The following PRKG1 variants were observed in gnomAD, a reference collection of about 807,000 sequenced individuals.
The protein encoded by PRKG1 is protein kinase cGMP-dependent 1.
PRKG1 carries 35 observed loss-of-function variants against 88.1 expected under a neutral mutation model. The ratio of observed to expected loss-of-function variants is 0.40; its 90% CI spans 0.30 to 0.53. PRKG1 has a LOEUF of 0.53. Among genes scored for constraint, PRKG1 ranks in the 20% least tolerant of loss-of-function variants. The probability of loss-of-function intolerance (pLI) is 0.59; values close to 1 mark genes in which losing one functional copy is unlikely to be tolerated. For synonymous variants in PRKG1, 303 were observed against 292.5 expected (o/e 1.04, Z -0.37); for missense variants, 540 against 839.8 (o/e 0.64, Z 4.41).
intron 3 of PRKG1, among the ~76,000 whole-genome samples, chr10:51,612,249 T>C (rs1001022420): frequency 6.6e-6 from 1 of 152,080 alleles, no homozygotes; most frequent in Admixed American, 6.6e-5. Context: ...ATTTTAACAA[T>C]ATTCTCCTAC....
At chr10:51,433,046 G>C (rs1014570387) in intron 2 of PRKG1, among the ~76,000 whole-genome samples, 2 of 152,108 alleles carry the variant, frequency 1.3e-5, no homozygotes, top group Non-Finnish European at 2.9e-5. Flanking sequence ...TGAATCTTGG[G>C]ACATTATGAG....
chr10:51,615,170 C>T (rs1839016253), intron 3 of PRKG1, among the ~76,000 whole-genome samples: 1 of 151,804 alleles, frequency 6.6e-6, no homozygotes, highest in South Asian at 2.1e-4. Flanking sequence ...TATCTCCTGG[C>T]CTATAAGGTT....
At chr10:51,656,819 C>T (rs1354536546) in intron 3 of PRKG1, among the ~76,000 whole-genome samples, 1 of 152,106 alleles carries the variant, frequency 6.6e-6, no homozygotes, top group African/African-American at 2.4e-5. Flanking sequence ...CAACAGGACT[C>T]CTTATCATTT....
At chr10:52,251,697 C>T (rs574695571) in intron 10 of PRKG1, 31 bp downstream of exon 10, 46 of 1,541,738 alleles carry the variant, frequency 3.0e-5, no homozygotes, top group African/African-American at 2.5e-4. Flanking sequence ...TGCTTTTGAT[C>T]GCCTCTGCTT....
At chr10:52,147,540 T>C (rs747073601) in intron 8 of PRKG1, among the ~76,000 whole-genome samples, 2 of 152,208 alleles carry the variant, frequency 1.3e-5, no homozygotes, top group African/African-American at 4.8e-5. Context: ...ACTAAGACCA[T>C]GCTCTGCCAA....
chr10:51,814,714 C>T (rs1366126402), intron 4 of PRKG1, among the ~76,000 whole-genome samples: 2 of 151,890 alleles, frequency 1.3e-5, no homozygotes, highest in African/African-American at 4.8e-5. Flanking sequence ...TAAAAGTGGC[C>T]ATTAATTTTA....
chr10:51,001,969 A>C (rs1842894557), intron 1 of PRKG1, among the ~76,000 whole-genome samples: 1 of 151,876 alleles, frequency 6.6e-6, no homozygotes, highest in African/African-American at 2.4e-5. Flanking sequence ...ATTTTTTTCC[A>C]GTTAGTAGTG....
chr10:51,504,350 A>T (rs1841130572), intron 3 of PRKG1, among the ~76,000 whole-genome samples: 1 of 152,148 alleles, frequency 6.6e-6, no homozygotes, highest in South Asian at 2.1e-4. Flanking sequence ...TGGTACCAGT[A>T]CCATGCTATT....
intron 3 of PRKG1, among the ~76,000 whole-genome samples, chr10:51,596,997 G>A (rs559298448): frequency 6.6e-6 from 1 of 152,266 alleles, no homozygotes; most frequent in Admixed American, 6.5e-5. Flanking sequence ...TTCTCTGGTG[G>A]CAGAAAGAGC....
At chr10:52,009,181 G>T (rs1335352369) in intron 5 of PRKG1, among the ~76,000 whole-genome samples, 3 of 152,052 alleles carry the variant, frequency 2.0e-5, no homozygotes, top group Non-Finnish European at 2.9e-5. Flanking sequence ...GAGCAATCAG[G>T]CAAGAGAAAG....
At chr10:51,920,185 G>T (rs562432599) in intron 5 of PRKG1, among the ~76,000 whole-genome samples, 1 of 152,238 alleles carries the variant, frequency 6.6e-6, no homozygotes, top group Admixed American at 6.5e-5. Flanking sequence ...GGGAAGCTAA[G>T]GACAGAAAGA....
chr10:51,484,090 A>G (rs1033389941), intron 3 of PRKG1, among the ~76,000 whole-genome samples: 4 of 152,216 alleles, frequency 2.6e-5, no homozygotes, highest in African/African-American at 9.6e-5. Flanking sequence ...GAGTTGAAGT[A>G]AATTTTGATG....
intron 3 of PRKG1, among the ~76,000 whole-genome samples, chr10:51,736,551 A>G (rs1041531470): frequency 1.3e-5 from 2 of 151,552 alleles, no homozygotes; most frequent in Non-Finnish European, 2.9e-5. Flanking sequence ...ATTTTACTAT[A>G]CTTTCTTTAT....
At chr10:51,413,345 T>G (rs867484946) in intron 2 of PRKG1, among the ~76,000 whole-genome samples, 22 of 99,698 alleles carry the variant, frequency 2.2e-4, no homozygotes, top group Middle Eastern at 4.3e-3. Flanking sequence ...AAAAAAAATG[T>G]TTTTTTTTTG....
At chr10:51,135,958 A>C (rs1426673280) in intron 1 of PRKG1, among the ~76,000 whole-genome samples, 1 of 80,046 alleles carries the variant, frequency 1.2e-5, no homozygotes, top group East Asian at 3.9e-4. Flanking sequence ...CACTCTGGGG[A>C]CTGTTGTGGG....
intron 1 of PRKG1, among the ~76,000 whole-genome samples, chr10:51,057,650 A>G (rs1843642485): frequency 6.6e-6 from 1 of 151,916 alleles, no homozygotes; most frequent in African/African-American, 2.4e-5. Flanking sequence ...TGTCTGGTGT[A>G]TTTTGCTGAG....
intron 5 of PRKG1, among the ~76,000 whole-genome samples, chr10:51,922,252 T>C (rs1842478757): frequency 6.6e-6 from 1 of 150,734 alleles, no homozygotes; most frequent in Admixed American, 6.6e-5. Context: ...GGCCCCTTCT[T>C]CATTTATATT....
chr10:51,378,288 A>G (rs556366085), intron 2 of PRKG1, among the ~76,000 whole-genome samples: 48 of 152,222 alleles, frequency 3.2e-4, no homozygotes, highest in African/African-American at 1.1e-3. Context: ...TGCCTGGGAG[A>G]GTTTTTGAAG....
chr10:51,140,990 C>G (rs767504836), intron 1 of PRKG1, among the ~76,000 whole-genome samples: 1 of 152,188 alleles, frequency 6.6e-6, no homozygotes, highest in South Asian at 2.1e-4. Flanking sequence ...GAGCCTATAT[C>G]TTGGGCTTAG....
Sources: gnomAD v4.1 joint callset for allele counts (sites outside exome capture counted in the v4.1 genomes callset) on GRCh38, gnomAD v4.1.1 for gene constraint, MANE v1.5 for transcripts, NCBI Gene and HGNC (gene_info 2026-07-23, HGNC 2026-07-21) for gene names.